The following PCDH12 variants were observed in gnomAD, a reference collection of about 807,000 sequenced individuals.
PCDH12 encodes protocadherin-12.
In PCDH12, 45 loss-of-function variants were observed where a neutral mutation model predicts 70.9. The observed-to-expected ratio is 0.63, with a 90% CI of 0.50 to 0.81. The LOEUF (loss-of-function observed/expected upper bound fraction) is 0.81, where lower values mean the gene tolerates loss of function less well. Ranked by LOEUF, PCDH12 falls within the 40% of genes least tolerant of loss-of-function variation. The pLI is 0.00. For synonymous variants in PCDH12, 567 were observed against 626.0 expected, an observed-to-expected ratio of 0.91 and a Z score of 1.41; for missense variants, 1,370 against 1,491.7, an observed-to-expected ratio of 0.92 and a Z score of 1.34.
At chr5:141,948,073 A>G (rs1022013966) in intron 3 of PCDH12, among the ~76,000 whole-genome samples, 15 of 152,360 alleles carry the variant, frequency 9.8e-5, no homozygotes, top group African/African-American at 3.4e-4. Context: ...CTTAAATTTA[A>G]ATAGCCACTT....
At chr5:141,946,520 C>G (rs914525252) in intron 3 of PCDH12, among the ~76,000 whole-genome samples, 1 of 152,180 alleles carries the variant, frequency 6.6e-6, no homozygotes. Context: ...CCTGGATACT[C>G]CAGGTGCCCA....
At chr5:141,951,154 G>A (rs929026753) in intron 2 of PCDH12, among the ~76,000 whole-genome samples, 5 of 152,226 alleles carry the variant, frequency 3.3e-5, no homozygotes, top group African/African-American at 7.2e-5. Context: ...AAGAGAAAGA[G>A]AGGTGACAGT....
In PCDH12 at chr5:141,951,492, C is replaced by T; in HGVS notation, c.2978+1G>A. 1 of 1,613,432 alleles carries T rather than the reference C, an allele frequency of 6.2e-7. No individual in the cohort carries two copies. Among genetic ancestry groups the T allele is most frequent in the Non-Finnish European group, 8.5e-7 (1 of 1,179,426 alleles). ...GCCTGTGGGGGCTACGTGCTGCTTA[C>T]CTGCTGCCTCCTGGCTTGGCCAAGT... On this transcript the variant is annotated splice_donor_variant, in intron 2 of 3. Transcript: ENST00000231484. LOFTEE classifies it high-confidence loss of function.
Position 141,957,165 on chromosome 5 carries a change from CA to C in PCDH12, c.686del (p.Leu229TrpfsTer36). On this transcript the variant is annotated frameshift_variant, in exon 1 of 4. Coordinates refer to ENST00000231484, the MANE Select transcript of PCDH12 (RefSeq NM_016580.4). LOFTEE classifies it high-confidence loss of function. The surrounding 1 kb of genome is among the most constrained non-coding windows in gnomAD (Gnocchi z 4.3). ...NGNPPKSGTS[L>X]VKVNVLDSND... is the part of the protein sequence containing the mutation. ...TGGAGTCCAAGACGTTGACCTTGAC[CA>C]AGCTGGTACCTGACTTGGGGGGGTT... The C allele has an allele frequency of 6.2e-7, 1 of 1,614,166 alleles. No individual in the cohort carries two copies. The highest frequency in any genetic ancestry group is 8.5e-7 in the Non-Finnish European group (1 of 1,180,012).
chr5:141,948,354 CCT>C (rs1561533344), intron 3 of PCDH12, among the ~76,000 whole-genome samples: 14 of 152,296 alleles, frequency 9.2e-5, no homozygotes, highest in South Asian at 2.1e-4. Flanking sequence ...CCCTGCCATA[CCT>C]TCAGTGTGTC....
At position 141,945,783 on chromosome 5, in the gene PCDH12, G is replaced by A. The variant is rs369560122; in HGVS notation, c.3153C>T (p.Ser1051=). Residue 1051 remains serine (S), a synonymous_variant, in exon 4 of 4, where the codon AGC becomes AGT. Transcript: ENST00000231484. ...PSTGLALDRL[S]APDPAWMARL... ...TCGCCATCCAGGCCGGGTCAGGGGC[G>A]CTCAGCCGGTCCAGGGCCAGACCTG... 6.8e-5 allele frequency: 109 copies of A among 1,612,872 alleles called. No homozygotes were observed. Among genetic ancestry groups the A allele is most frequent in the Admixed American group, 1.0e-4 (6 of 60,004 alleles).
intron 2 of PCDH12, among the ~76,000 whole-genome samples, chr5:141,950,972 A>C (rs1375446596): frequency 6.6e-6 from 1 of 152,170 alleles, no homozygotes; most frequent in Non-Finnish European, 1.5e-5. Context: ...CACTTGCTCA[A>C]GTTTACATAG....
Position 141,945,902 on chromosome 5 carries a change from G to A in PCDH12, c.3131-97C>T, listed in dbSNP as rs77423286. The A allele has an allele frequency of 5.2e-3, 5,827 of 1,116,554 alleles. 213 individuals carry two copies. The African/African-American group carries it at 0.08, about 15-fold the overall frequency. The allele number at this position is 1,116,554 out of a possible 1,614,324, so 69.2% of individuals were successfully genotyped here. ...GAGCAGGGCAAGGGCAGTGGACAAAGGAGGGAAGGGAAATGGCAGGGGACA... is the reference window on the plus strand; with the variant it reads ...GAGCAGGGCAAGGGCAGTGGACAAAAGAGGGAAGGGAAATGGCAGGGGACA... On this transcript the variant is annotated intron_variant, in intron 3 of 3. Coordinates refer to ENST00000231484, the MANE Select transcript of PCDH12 (RefSeq NM_016580.4).
Position 141,945,390 on chromosome 5 carries a change from CCTG to C in PCDH12, c.3543_3545del (p.Ser1181del), listed in dbSNP as rs5871792. On this transcript the variant is annotated inframe_deletion, in exon 4 of 4. Coordinates refer to ENST00000231484, the MANE Select transcript of PCDH12 (RefSeq NM_016580.4). The stretch of plus-strand genomic sequence containing the variant: ...GGCGTCTGAGGTATGTTCACAGGCA[CCTG>C]CTGCTGCTGCTGCTGCCTCTGCTCT... The C allele has an allele frequency of 8.3e-5, 129 of 1,546,116 alleles. No individual in the cohort carries two copies. Among genetic ancestry groups the C allele is most frequent in the East Asian group, 7.1e-4 (30 of 42,454 alleles).
In PCDH12 at chr5:141,955,016, G is replaced by A. The variant is rs775129851; in HGVS notation, c.2836C>T (p.Arg946Trp). The stretch of plus-strand genomic sequence containing the variant: ...ACAGTGAGCTCCTCCACGGGGTTCC[G>A]CTCGGCGAAGGCAGCCACAGACAGC... ...VRLSVAAFAE[R>W]NPVEELTVDS... Residue 946 changes from arginine (R) to tryptophan (W), a missense_variant, in exon 1 of 4, where the codon CGG becomes TGG. Physicochemically the swap from Arg to Trp is moderately radical, Grantham distance 101 (BLOSUM62 -3). Transcript: ENST00000231484. This position sits in a 1 kb window ranked among gnomAD's most constrained non-coding sequence, Gnocchi z 5.5. 6 of 1,614,024 alleles carry A rather than the reference G, an allele frequency of 3.7e-6. No individual in the cohort carries two copies. The highest frequency in any genetic ancestry group is 4.5e-5 in the East Asian group (2 of 44,894).
rs746897767 is a variant in PCDH12, at chr5:141,956,839, A to C, written c.1013T>G (p.Val338Gly). ...ATTGACATCCAGAACCTTGATGAGA[A>C]CTTTGCAATGGGCTGGGATAGGATT... is the stretch of plus-strand genomic sequence containing the variant. ...GPNPIPAHCK[V>G]LIKVLDVNDN... Residue 338 changes from valine (V) to glycine (G), a missense_variant, in exon 1 of 4, where the codon GTT becomes GGT. Physicochemically the swap from Val to Gly is moderately radical, Grantham distance 109. Coordinates refer to ENST00000231484, the MANE Select transcript of PCDH12 (RefSeq NM_016580.4). 2 of 1,614,068 alleles carry C rather than the reference A, an allele frequency of 1.2e-6. No individual in the cohort carries two copies. Among genetic ancestry groups the C allele is most frequent in the Non-Finnish European group, 8.5e-7 (1 of 1,180,038 alleles).
intron 3 of PCDH12, among the ~76,000 whole-genome samples, chr5:141,946,014 G>A (rs1297410647): frequency 1.3e-5 from 2 of 152,212 alleles, no homozygotes; most frequent in African/African-American, 4.8e-5. Flanking sequence ...ACACACCCGG[G>A]CGAACCAAGT....
At chr5:141,946,866 T>C (rs1294404952) in intron 3 of PCDH12, among the ~76,000 whole-genome samples, 2 of 149,734 alleles carry the variant, frequency 1.3e-5, no homozygotes, top group Non-Finnish European at 3.0e-5. Flanking sequence ...AAAGAAATTA[T>C]AAGTCTTGGA....
chr5:141,956,494 A>G lies in PCDH12; in HGVS notation c.1358T>C (p.Ile453Thr). 1 of 1,614,200 alleles carries G rather than the reference A, an allele frequency of 6.2e-7. No individual in the cohort carries two copies. Among genetic ancestry groups the G allele is most frequent in the Non-Finnish European group, 8.5e-7 (1 of 1,180,046 alleles). The change falls in exon 1 of 4, where the codon ATC becomes ACC. Residue 453 changes from isoleucine (I) to threonine (T), a missense_variant. Transcript: ENST00000231484. ...KKQLSIQISD[I>T]NDNAPVFEKS... Reference sequence around the variant, plus strand: ...CTCAAACACAGGTGCATTGTCGTTGATGTCACTGATCTGAATGCTGAGCTG... The same window carrying G: ...CTCAAACACAGGTGCATTGTCGTTGGTGTCACTGATCTGAATGCTGAGCTG...
In PCDH12 at chr5:141,951,582, G is replaced by A; in HGVS notation, c.2889C>T (p.Ser963=). ...CCTGATGCAGCAAGGACAGCAGCTG[G>A]GAGATTTGCTACAAGACAGGAAAAA... is the stretch of plus-strand genomic sequence containing the variant. ...TVDSPPVQQI[S]QLLSLLHQGQ... is the part of the protein sequence containing the mutation. Residue 963 remains serine (S), a synonymous_variant, in exon 2 of 4, where the codon TCC becomes TCT. Coordinates refer to ENST00000231484, the MANE Select transcript of PCDH12 (RefSeq NM_016580.4). The A allele has an allele frequency of 6.2e-7, 1 of 1,613,960 alleles. No homozygotes were observed. The highest frequency in any genetic ancestry group is 8.5e-7 in the Non-Finnish European group (1 of 1,179,784).
chr5:141,956,483 C>T lies in PCDH12; in HGVS notation c.1369G>A (p.Ala457Thr), dbSNP rs575958518. 2.5e-6 allele frequency: 4 copies of T among 1,614,202 alleles called. No homozygotes were observed. The South Asian group carries it at 4.4e-5, about 18-fold the overall frequency. The part of the protein sequence containing the change: ...SIQISDINDN[A>T]PVFEKSRYEV... ...TACCTGCTTTTCTCAAACACAGGTG[C>T]ATTGTCGTTGATGTCACTGATCTGA... The change falls in exon 1 of 4, where the codon GCA becomes ACA. Residue 457 changes from alanine to threonine, a missense_variant. Ala to Thr is a moderately conservative substitution (Grantham distance 58, BLOSUM62 0). Transcript: ENST00000231484.
At chr5:141,948,405 CATAG>C (rs1354155926) in intron 3 of PCDH12, among the ~76,000 whole-genome samples, 1 of 152,204 alleles carries the variant, frequency 6.6e-6, no homozygotes, top group Non-Finnish European at 1.5e-5. Flanking sequence ...GTGTTAACTA[CATAG>C]ATAGAAAACC....
chr5:141,945,266 A>C lies in PCDH12; in HGVS notation c.*115T>G, dbSNP rs1596637290. 1 of 1,273,758 alleles carries C rather than the reference A, an allele frequency of 7.9e-7. No homozygotes were observed. The highest frequency in any genetic ancestry group is 1.4e-5 in the South Asian group (1 of 69,642). 78.9% of individuals were successfully genotyped at this position (1,273,758 alleles called of 1,614,324 possible). A position where few individuals can be genotyped will look rare whatever the true frequency, so the allele number is the denominator to read the frequency against. ...CTCCTCTGTGGGGGTAGCATCAGTC[A>C]CCCTAAAGTTCTCAGGCCGCCGCTA... is the stretch of plus-strand genomic sequence containing the variant. On this transcript the variant is annotated 3_prime_UTR_variant, in exon 4 of 4. Coordinates refer to ENST00000231484, the MANE Select transcript of PCDH12 (RefSeq NM_016580.4).
chr5:141,957,124 G>T lies in PCDH12; in HGVS notation c.728C>A (p.Ala243Glu), dbSNP rs538237213. 2.5e-6 allele frequency: 4 copies of T among 1,614,128 alleles called. No individual in the cohort carries two copies. Among genetic ancestry groups the T allele is most frequent in the Non-Finnish European group, 2.5e-6 (3 of 1,180,018 alleles). The part of the protein sequence containing the change: ...NVLDSNDNSP[A>E]FAESSLALEI... The stretch of plus-strand genomic sequence containing the variant: ...CAGTGCCAGTGAACTCTCAGCAAAC[G>T]CAGGGCTATTGTCATTGGAGTCCAA... The change falls in exon 1 of 4, where the codon GCG becomes GAG. Residue 243 changes from alanine to glutamate, a missense_variant. Physicochemically the swap from Ala to Glu is moderately radical, Grantham distance 107. Coordinates refer to ENST00000231484, the MANE Select transcript of PCDH12 (RefSeq NM_016580.4). This position sits in a 1 kb window ranked among gnomAD's most constrained non-coding sequence, Gnocchi z 4.3.
Sources: gnomAD v4.1 joint callset for allele counts (sites outside exome capture counted in the v4.1 genomes callset) on GRCh38, gnomAD v4.1.1 for gene constraint, Gnocchi (gnomAD v3.1) non-coding constraint, MANE v1.5 for transcripts, NCBI Gene and HGNC (gene_info 2026-07-23, HGNC 2026-07-21) for gene names.